EFEMP1: variants seen among roughly 807,000 people sequenced by gnomAD.
EFEMP1 encodes EGF-like fibulin extracellular matrix protein 1.
Under a neutral mutation model 65.7 loss-of-function variants are expected in EFEMP1, and 18 were observed. The ratio of observed to expected loss-of-function variants is 0.27; its 90% CI spans 0.19 to 0.41. The LOEUF (loss-of-function observed/expected upper bound fraction) is 0.41. Ranked by LOEUF, EFEMP1 falls within the 10% of genes least tolerant of loss-of-function variation. The pLI is 1.00. For synonymous variants in EFEMP1, 237 were observed against 219.7 expected (o/e 1.08, Z -0.70); for missense variants, 469 against 624.8 (o/e 0.75, Z 2.66).
chr2:55,897,500 A>G (rs1669872989), intron 5 of EFEMP1, among the ~76,000 whole-genome samples: 1 of 152,238 alleles, frequency 6.6e-6, no homozygotes, highest in Admixed American at 6.5e-5. Context: ...TCAGAATGGA[A>G]ACTTAAATAG....
At chr2:55,904,873 A>G (rs183274540) in intron 5 of EFEMP1, among the ~76,000 whole-genome samples, 2 of 150,060 alleles carry the variant, frequency 1.3e-5, no homozygotes, top group African/African-American at 2.5e-5. Flanking sequence ...CATGTATCCT[A>G]TTGGGTCTGT....
chr2:55,899,042 A>G (rs961499917), intron 5 of EFEMP1, among the ~76,000 whole-genome samples: 4 of 152,196 alleles, frequency 2.6e-5, no homozygotes, highest in Admixed American at 1.3e-4. Context: ...TCCACCCACC[A>G]AAGCCTGTCC....
chr2:55,923,347 C>T lies in EFEMP1; in HGVS notation c.-49+364G>A, dbSNP rs2104460154. ...CTTAACAGCAAGCTAACGCGGCGGT[C>T]CCCTGGAGCTGCTCAGCGTCCCAGC... is the stretch of plus-strand genomic sequence containing the variant. On this transcript the variant is annotated intron_variant, in intron 1 of 11. Transcript: ENST00000355426. This position sits in a 1 kb window ranked among gnomAD's most constrained non-coding sequence, Gnocchi z 5.3. Among the ~76,000 whole-genome samples, 1 of 152,282 alleles carries T rather than the reference C, an allele frequency of 6.6e-6. No individual in the cohort carries two copies. The highest frequency in any genetic ancestry group is 1.5e-5 in the Non-Finnish European group (1 of 68,028).
At chr2:55,907,160 C>T (rs920673910) in intron 5 of EFEMP1, among the ~76,000 whole-genome samples, 1 of 152,310 alleles carries the variant, frequency 6.6e-6, no homozygotes, top group East Asian at 1.9e-4. Context: ...CCTCTCTCTG[C>T]ATTCAGTCAT....
Position 55,885,302 on chromosome 2 carries a change from T to C in EFEMP1, c.518-3568A>G, listed in dbSNP as rs987068311. On this transcript the variant is annotated intron_variant, in intron 5 of 11. Coordinates refer to ENST00000355426, the MANE Select transcript of EFEMP1 (RefSeq NM_001039348.3). The surrounding 1 kb of genome is among the most constrained non-coding windows in gnomAD (Gnocchi z 4.3). ...TTCCATGAGAAGAATGGCAGACAGA[T>C]GGCGTCAGCACAGCTGCCGGGGCTC... Among the ~76,000 whole-genome samples, 4 of 152,140 alleles carry C rather than the reference T, an allele frequency of 2.6e-5. No homozygotes were observed. The highest frequency in any genetic ancestry group is 5.9e-5 in the Non-Finnish European group (4 of 68,032).
rs200302823 is a variant in EFEMP1 at position 55,918,171 on chromosome 2, T to C, written c.130+48A>G. Reference sequence around the variant, plus strand: ...AGGACAGGAAGAGTGACACAAGAGATGGAGACAGAAGGCAATGATCACATG... The same window carrying C: ...AGGACAGGAAGAGTGACACAAGAGACGGAGACAGAAGGCAATGATCACATG... On this transcript the variant is annotated intron_variant, in intron 4 of 11. Coordinates refer to ENST00000355426, the MANE Select transcript of EFEMP1 (RefSeq NM_001039348.3). 329 of 1,613,224 alleles carry C rather than the reference T, an allele frequency of 2.0e-4. 5 individuals are homozygous for C. The highest frequency in any genetic ancestry group is 6.1e-5 in the Non-Finnish European group (72 of 1,179,176).
At position 55,883,400 on chromosome 2, in the gene EFEMP1, A is replaced by C. The variant is rs1243248861; in HGVS notation, c.518-1666T>G. ...TGTCTTTTATTATTTTCTCAGATGC[A>C]CTTGATGAAAACCTTTTTACTGGGG... On this transcript the variant is annotated intron_variant, in intron 5 of 11. Coordinates refer to ENST00000355426, the MANE Select transcript of EFEMP1 (RefSeq NM_001039348.3). The surrounding 1 kb of genome is among the most constrained non-coding windows in gnomAD (Gnocchi z 4.5). Among the ~76,000 whole-genome samples, 10 of 152,176 alleles carry C rather than the reference A, an allele frequency of 6.6e-5. No homozygotes were observed. Among genetic ancestry groups the C allele is most frequent in the Non-Finnish European group, 1.5e-5 (1 of 68,036 alleles).
At position 55,871,098 on chromosome 2, in the gene EFEMP1, A is replaced by G. The variant is rs1424145702; in HGVS notation, c.1026T>C (p.Asn342=). Residue 342 remains asparagine (N), a synonymous_variant, in exon 10 of 12, where the codon AAT becomes AAC. Transcript: ENST00000355426. This position sits in a 1 kb window ranked among gnomAD's most constrained non-coding sequence, Gnocchi z 4.2. The part of the protein sequence containing the change: ...CQDINECETT[N]ECREDEMCWN... The stretch of plus-strand genomic sequence containing the variant: ...AACACATTTCATCCTCCCGGCATTC[A>G]TTTGTGGTCTCACACTCATTTATAT... The G allele has an allele frequency of 2.5e-6, 4 of 1,613,708 alleles. No individual in the cohort carries two copies. In the South Asian group the frequency reaches 3.3e-5, roughly 13 times the overall value.
rs1420701063 is a variant in EFEMP1, at chr2:55,873,856, T to C, written c.1000+1090A>G. ...TAGACTGAGAATCCCCAGTGTCTCC[T>C]TTCCTTGATCTTTCTTTTCTTAACA... On this transcript the variant is annotated intron_variant, in intron 9 of 11. Transcript: ENST00000355426. This position sits in a 1 kb window ranked among gnomAD's most constrained non-coding sequence, Gnocchi z 4.6. Among the ~76,000 whole-genome samples the C allele has an allele frequency of 6.6e-6, 1 of 152,018 alleles. No individual in the cohort carries two copies. Among genetic ancestry groups the C allele is most frequent in the African/African-American group, 2.4e-5 (1 of 41,428 alleles).
chr2:55,877,623 G>T lies in EFEMP1; in HGVS notation c.760+123C>A. ...TTGGTTATTATCTTTTAAGCTTTAT[G>T]ATTGCTGAAGGGAAGTCGATGGAAA... On this transcript the variant is annotated intron_variant, in intron 7 of 11. Transcript: ENST00000355426. The surrounding 1 kb of genome is among the most constrained non-coding windows in gnomAD (Gnocchi z 4.5). 1 of 1,438,998 alleles carries T rather than the reference G, an allele frequency of 6.9e-7. No homozygotes were observed. 89.1% of individuals were successfully genotyped at this position (1,438,998 alleles called of 1,614,324 possible).
rs1348085281 is a variant in EFEMP1 at position 55,917,669 on chromosome 2, G to A, written c.513C>T (p.Cys171=). The A allele has an allele frequency of 5.6e-6, 9 of 1,614,042 alleles. No individual in the cohort carries two copies. In the South Asian group the frequency reaches 6.6e-5, roughly 12 times the overall value. Residue 171 remains cysteine, a synonymous_variant, in exon 5 of 12, where the codon TGC becomes TGT. Transcript: ENST00000355426. This position sits in a 1 kb window ranked among gnomAD's most constrained non-coding sequence, Gnocchi z 6.3. The part of the protein sequence containing the change: ...AGYEQSEHNV[C]QDIDECTAGT... ...AGGAAAATAAGTTATTCCTACCTTG[G>A]CACACGTTGTGTTCACTTTGCTCGT...
At chr2:55,875,874 G>C (rs543084922) in intron 8 of EFEMP1, among the ~76,000 whole-genome samples, 3 of 151,846 alleles carry the variant, frequency 2.0e-5, no homozygotes, top group Non-Finnish European at 2.9e-5. Context: ...CAGCTGTCCT[G>C]AGGTAGCCTC....
chr2:55,913,301 C>A (rs1442290562), intron 5 of EFEMP1, among the ~76,000 whole-genome samples: 2 of 152,072 alleles, frequency 1.3e-5, no homozygotes, highest in Non-Finnish European at 2.9e-5. Context: ...ATGGTGGAAA[C>A]CCTAGGGTAT....
rs1668775270 is a variant in EFEMP1 at position 55,870,773 on chromosome 2, T to C, written c.1267A>G (p.Ile423Val). 1 of 1,613,702 alleles carries C rather than the reference T, an allele frequency of 6.2e-7. No homozygotes were observed. The highest frequency in any genetic ancestry group is 1.3e-5 in the African/African-American group (1 of 74,892). ...CCAGATTTAATCCGAAAAGTATTGATGGTGTTGGCATAAATAGTTGTGGCC... is the reference window on the plus strand; with the variant it reads ...CCAGATTTAATCCGAAAAGTATTGACGGTGTTGGCATAAATAGTTGTGGCC... The part of the protein sequence containing the change: ...IQATTIYANT[I>V]NTFRIKSGNE... The change falls in exon 11 of 12, where the codon ATC becomes GTC. Residue 423 changes from isoleucine (I) to valine (V), a missense_variant. Physicochemically the swap from Ile to Val is conservative, Grantham distance 29. This residue lies in a region of EFEMP1 where 399 missense variants were observed against 528.2 expected (regional missense o/e 0.76). Coordinates refer to ENST00000355426, the MANE Select transcript of EFEMP1 (RefSeq NM_001039348.3). This position sits in a 1 kb window ranked among gnomAD's most constrained non-coding sequence, Gnocchi z 5.8.
chr2:55,922,808 T>C lies in EFEMP1; in HGVS notation c.-8+91A>G. 2.0e-6 allele frequency: 2 copies of C among 1,007,782 alleles called. No homozygotes were observed. Among genetic ancestry groups the C allele is most frequent in the Non-Finnish European group, 2.6e-6 (2 of 781,882 alleles). 62.4% of individuals were successfully genotyped at this position (1,007,782 alleles called of 1,614,324 possible). On this transcript the variant is annotated intron_variant, in intron 2 of 11. Coordinates refer to ENST00000355426, the MANE Select transcript of EFEMP1 (RefSeq NM_001039348.3). This position sits in a 1 kb window ranked among gnomAD's most constrained non-coding sequence, Gnocchi z 5.5. Reference sequence around the variant, plus strand: ...ATCCATTTCAAAGGGGACGGTGCATTTCCTGCCCCCCAGTCCCACACCCCG... The same window carrying C: ...ATCCATTTCAAAGGGGACGGTGCATCTCCTGCCCCCCAGTCCCACACCCCG...
intron 5 of EFEMP1, among the ~76,000 whole-genome samples, chr2:55,882,482 T>G (rs961706513): frequency 6.6e-6 from 1 of 152,142 alleles, no homozygotes; most frequent in African/African-American, 2.4e-5. Context: ...TCTAGAAAAG[T>G]AAAAAATGCT....
chr2:55,868,357 T>C (rs920816140), intron 11 of EFEMP1, among the ~76,000 whole-genome samples: 6 of 152,276 alleles, frequency 3.9e-5, no homozygotes, highest in African/African-American at 1.4e-4. Context: ...ATTATGCTCA[T>C]ATTCTAGTGG....
At position 55,871,373 on chromosome 2, in the gene EFEMP1, G is replaced by A. The variant is rs1429361484; in HGVS notation, c.1001-250C>T. On this transcript the variant is annotated intron_variant, in intron 9 of 11. Coordinates refer to ENST00000355426, the MANE Select transcript of EFEMP1 (RefSeq NM_001039348.3). This position sits in a 1 kb window ranked among gnomAD's most constrained non-coding sequence, Gnocchi z 4.2. ...ATCAAGCACCTATTGTTCATCTGTT[G>A]AATTCAAACCCCAATGTTAACCACT... Among the ~76,000 whole-genome samples the A allele has an allele frequency of 1.3e-5, 2 of 152,082 alleles. No individual in the cohort carries two copies. Among genetic ancestry groups the A allele is most frequent in the Non-Finnish European group, 2.9e-5 (2 of 68,006 alleles).
intron 5 of EFEMP1, among the ~76,000 whole-genome samples, chr2:55,916,623 G>C (rs1670699560): frequency 1.3e-5 from 2 of 152,134 alleles, no homozygotes; most frequent in Non-Finnish European, 2.9e-5. Context: ...AGAACTCCTG[G>C]ACCCTTTCCA....
Sources: gnomAD v4.1 joint callset for allele counts (sites outside exome capture counted in the v4.1 genomes callset) on GRCh38, gnomAD v4.1.1 for gene constraint, gnomAD v4.1.1 regional missense constraint, Gnocchi (gnomAD v3.1) non-coding constraint, MANE v1.5 for transcripts, NCBI Gene and HGNC (gene_info 2026-07-23, HGNC 2026-07-21) for gene names.